Variants in SCAPER observed in about 807,000 individuals in gnomAD.
SCAPER encodes the protein S phase cyclin A-associated protein in the endoplasmic reticulum.
In SCAPER, 98 loss-of-function variants were observed where a neutral mutation model predicts 182.2. The ratio of observed to expected loss-of-function variants is 0.54; its 90% CI spans 0.46 to 0.64. The LOEUF (loss-of-function observed/expected upper bound fraction) is 0.64, where lower values mean the gene tolerates loss of function less well. Among genes scored for constraint, SCAPER ranks in the 30% least tolerant of loss-of-function variants. The pLI is 0.00. For missense variants in SCAPER, 1,432 were observed against 1,690.0 expected (o/e 0.85, Z 2.68); for synonymous variants, 605 against 564.6 (o/e 1.07, Z -1.01).
At chr15:76,819,146 C>G (rs1346802221) in intron 5 of SCAPER, among the ~76,000 whole-genome samples, 2 of 152,252 alleles carry the variant, frequency 1.3e-5, no homozygotes. Context: ...CCTCTGTGGG[C>G]TCCACATCTG....
intron 27 of SCAPER, among the ~76,000 whole-genome samples, chr15:76,388,989 C>T (rs1232211610): frequency 6.6e-6 from 1 of 151,950 alleles, no homozygotes; most frequent in Admixed American, 6.6e-5. Flanking sequence ...CAGTCTCTGT[C>T]ACAGACACAC....
chr15:76,521,029 G>A (rs745918996), intron 23 of SCAPER, among the ~76,000 whole-genome samples: 1 of 152,182 alleles, frequency 6.6e-6, no homozygotes, highest in Admixed American at 6.5e-5. Flanking sequence ...TTACTCCTGA[G>A]AGAAAAGTTA....
intron 25 of SCAPER, among the ~76,000 whole-genome samples, chr15:76,448,205 T>A (rs1240205587): frequency 6.6e-6 from 1 of 152,200 alleles, no homozygotes; most frequent in Admixed American, 6.5e-5. Flanking sequence ...ATGAAAAGTT[T>A]TCATTTTTTG....
chr15:76,835,846 A>G (rs1019782131), intron 5 of SCAPER, among the ~76,000 whole-genome samples: 1 of 151,448 alleles, frequency 6.6e-6, no homozygotes, highest in Admixed American at 6.6e-5. Flanking sequence ...CACAAAATCA[A>G]TGTACAAAAA....
At chr15:76,753,680 G>C in intron 15 of SCAPER, 128 bp downstream of exon 15, 1 of 1,039,458 alleles carries the variant, frequency 9.6e-7, no homozygotes, top group Admixed American at 2.7e-5. Context: ...TTTTAAATGA[G>C]TGTGTAAAAT....
chr15:76,574,128 A>G lies in SCAPER; in HGVS notation c.2838+30T>C, dbSNP rs1163623352. 3 of 1,576,898 alleles carry G rather than the reference A, an allele frequency of 1.9e-6. No individual in the cohort carries two copies. In the Admixed American group the frequency reaches 5.4e-5, roughly 28 times the overall value. ...TAGTGAGAAAGGATCACAAAGATTA[A>G]GGTTCAAAAGCCAGATATTAGTTAC... is the stretch of plus-strand genomic sequence containing the variant. On this transcript the variant is annotated intron_variant, in intron 23 of 31. Coordinates refer to ENST00000563290, the MANE Select transcript of SCAPER (RefSeq NM_020843.4).
intron 26 of SCAPER, among the ~76,000 whole-genome samples, chr15:76,429,411 A>G (rs370167821): frequency 6.6e-6 from 1 of 152,310 alleles, no homozygotes; most frequent in East Asian, 1.9e-4. Flanking sequence ...AAATGTGGGA[A>G]AGTTTGGAAC....
At chr15:76,873,086 C>CAAA (rs1212539502) in intron 2 of SCAPER, among the ~76,000 whole-genome samples, 1 of 57,610 alleles carries the variant, frequency 1.7e-5, no homozygotes, top group Non-Finnish European at 3.9e-5. Context: ...CTTGTCTCTA[C>CAAA]AAAAAAAAAA....
chr15:76,617,073 G>C (rs1049546694), intron 22 of SCAPER, among the ~76,000 whole-genome samples: 1 of 151,952 alleles, frequency 6.6e-6, no homozygotes, highest in African/African-American at 2.4e-5. Context: ...TATATTACAT[G>C]AGCTCTTTAT....
intron 23 of SCAPER, among the ~76,000 whole-genome samples, chr15:76,524,689 GTTTT>G (rs35944222): frequency 1.8e-4 from 9 of 50,114 alleles, no homozygotes; most frequent in Non-Finnish European, 2.1e-4. Context: ...TTTTTGTTCT[GTTTT>G]TTTTTTTTTT....
rs146086365 is a variant in SCAPER at position 76,489,255 on chromosome 15, T to C, written c.2954+15604A>G. 3.8e-3 allele frequency among the ~76,000 whole-genome samples: 524 copies of C among 139,280 alleles called. 2 individuals carry two copies. Among genetic ancestry groups the C allele is most frequent in the African/African-American group, 0.013 (503 of 38,302 alleles). The allele number at this position is 139,280 out of a possible 152,430, so 91.4% of individuals were successfully genotyped here. On this transcript the variant is annotated intron_variant, in intron 24 of 31. Coordinates refer to ENST00000563290, the MANE Select transcript of SCAPER (RefSeq NM_020843.4). ...AGTAACAGAAAAAAACCACAATTAC[T>C]TTTGCACCAACCTAATATTATTTTT...
intron 8 of SCAPER, among the ~76,000 whole-genome samples, chr15:76,783,699 G>A (rs984870367): frequency 1.1e-4 from 17 of 152,092 alleles, no homozygotes; most frequent in Admixed American, 1.0e-3. Flanking sequence ...CCATCAAGTT[G>A]GCTTCATCCC....
chr15:76,720,375 G>A (rs1028785622), intron 17 of SCAPER, among the ~76,000 whole-genome samples: 1 of 152,034 alleles, frequency 6.6e-6, no homozygotes, highest in Non-Finnish European at 1.5e-5. Flanking sequence ...TGTGGATAGT[G>A]CCACAATAAA....
At chr15:76,852,543 A>G (rs1362710633) in intron 4 of SCAPER, among the ~76,000 whole-genome samples, 1 of 152,244 alleles carries the variant, frequency 6.6e-6, no homozygotes, top group Non-Finnish European at 1.5e-5. Context: ...AAAATTACCC[A>G]AAACCATGCA....
At chr15:76,629,122 C>A (rs553753561) in intron 21 of SCAPER, among the ~76,000 whole-genome samples, 1 of 152,124 alleles carries the variant, frequency 6.6e-6, no homozygotes, top group Non-Finnish European at 1.5e-5. Context: ...GATTTTGTAT[C>A]GTGAGACTTT....
chr15:76,693,779 T>C (rs1000376242), intron 20 of SCAPER, among the ~76,000 whole-genome samples: 1 of 152,018 alleles, frequency 6.6e-6, no homozygotes, highest in Non-Finnish European at 1.5e-5. Context: ...TCCACTTATA[T>C]GGGGTTCATA....
chr15:76,813,546 A>G (rs1240439762), intron 5 of SCAPER, among the ~76,000 whole-genome samples: 1 of 152,166 alleles, frequency 6.6e-6, no homozygotes, highest in Non-Finnish European at 1.5e-5. Flanking sequence ...AATTGATTCT[A>G]TATGCAGGAA....
chr15:76,633,955 C>G (rs1264031422), intron 21 of SCAPER, among the ~76,000 whole-genome samples: 1 of 152,214 alleles, frequency 6.6e-6, no homozygotes, highest in Non-Finnish European at 1.5e-5. Flanking sequence ...CTGGCTTCAG[C>G]CCCCTTCCCA....
intron 25 of SCAPER, among the ~76,000 whole-genome samples, chr15:76,446,839 T>C (rs2142768835): frequency 6.6e-6 from 1 of 152,350 alleles, no homozygotes; most frequent in East Asian, 1.9e-4. Flanking sequence ...TTTTTGACTT[T>C]ATCATGGTGT....
Sources: gnomAD v4.1 joint callset for allele counts (sites outside exome capture counted in the v4.1 genomes callset) on GRCh38, gnomAD v4.1.1 for gene constraint, MANE v1.5 for transcripts, NCBI Gene and HGNC (gene_info 2026-07-23, HGNC 2026-07-21) for gene names.